PLB1: variants seen among roughly 807,000 people sequenced by gnomAD.
PLB1 encodes phospholipase B1, membrane-associated.
In PLB1, 242 loss-of-function variants were observed where a neutral mutation model predicts 227.4. The ratio of observed to expected loss-of-function variants is 1.06; its 90% CI spans 0.96 to 1.18. PLB1 has a LOEUF of 1.18. Ranked by LOEUF, PLB1 falls within the 50% of genes most tolerant of loss-of-function variation. The pLI is 0.00. For synonymous variants in PLB1, 757 were observed against 682.2 expected, an observed-to-expected ratio of 1.11 and a Z score of -1.71; for missense variants, 1,858 against 1,816.3, an observed-to-expected ratio of 1.02 and a Z score of -0.42.
At chr2:28,547,584 G>T (rs1267128168) in intron 14 of PLB1, among the ~76,000 whole-genome samples, 1 of 152,162 alleles carries the variant, frequency 6.6e-6, no homozygotes. Flanking sequence ...TCCTCATGGA[G>T]GTTGGTAGAA....
At chr2:28,578,968 C>T (rs138864250) in intron 22 of PLB1, among the ~76,000 whole-genome samples, 2 of 151,978 alleles carry the variant, frequency 1.3e-5, no homozygotes, top group Non-Finnish European at 2.9e-5. Context: ...TGCCCTGGGG[C>T]CATAGTTTAT....
chr2:28,620,840 T>C (rs1201208835), intron 48 of PLB1, 39 bp from the exon 49 acceptor site: 1 of 1,557,600 alleles, frequency 6.4e-7, no homozygotes, highest in Non-Finnish European at 8.9e-7. Context: ...TCCTGCAGGC[T>C]CTCACCTGTG....
intron 20 of PLB1, among the ~76,000 whole-genome samples, chr2:28,571,862 T>A (rs994199949): frequency 6.6e-6 from 1 of 152,136 alleles, no homozygotes; most frequent in African/African-American, 2.4e-5. Flanking sequence ...AGCAAATCTT[T>A]ATGATCTTGA....
intron 1 of PLB1, among the ~76,000 whole-genome samples, chr2:28,501,736 G>GT (rs1667125235): frequency 6.6e-6 from 1 of 151,874 alleles, no homozygotes; most frequent in African/African-American, 2.4e-5. Flanking sequence ...TACTATACAT[G>GT]TTTTTTGCAT....
At chr2:28,591,067 C>A in intron 29 of PLB1, 66 bp from the exon 30 acceptor site, 1 of 1,596,260 alleles carries the variant, frequency 6.3e-7, no homozygotes, top group Non-Finnish European at 8.6e-7. Flanking sequence ...CGACACTTAA[C>A]TGAGTGCTGA....
chr2:28,580,141 G>A (rs1401330907), intron 23 of PLB1, among the ~76,000 whole-genome samples: 1 of 152,170 alleles, frequency 6.6e-6, no homozygotes, highest in Non-Finnish European at 1.5e-5. Context: ...AGTCATTCTG[G>A]GCTGGTGGGA....
chr2:28,518,010 A>G (rs1288656870), intron 2 of PLB1, among the ~76,000 whole-genome samples: 1 of 151,728 alleles, frequency 6.6e-6, no homozygotes, highest in Non-Finnish European at 1.5e-5. Flanking sequence ...AGTAACTGGG[A>G]TTACAGGCAC....
In PLB1 at chr2:28,571,596, CAT is replaced by C. The variant is rs1468472336; in HGVS notation, c.1325-1598_1325-1597del. Among the ~76,000 whole-genome samples the C allele has an allele frequency of 9.2e-5, 14 of 152,266 alleles. No individual in the cohort carries two copies. The East Asian group carries it at 2.5e-3, about 27-fold the overall frequency. On this transcript the variant is annotated intron_variant, in intron 20 of 57. Coordinates refer to ENST00000327757, the MANE Select transcript of PLB1 (RefSeq NM_153021.5). Reference sequence around the variant, plus strand: ...GACGTGGTACTAGCATGAGGATAGACATATCGAACAGTGGACTAAGATTGAGA... The same window carrying C: ...GACGTGGTACTAGCATGAGGATAGACATCGAACAGTGGACTAAGATTGAGA...
chr2:28,602,708 C>G, intron 38 of PLB1, 113 bp from the exon 39 acceptor site: 1 of 932,092 alleles, frequency 1.1e-6, no homozygotes, highest in Non-Finnish European at 1.7e-6. Flanking sequence ...CCCCAGAACT[C>G]AACTCCAGAA....
Position 28,643,650 on chromosome 2 carries a change from T to C in PLB1, c.*589T>C, listed in dbSNP as rs1045819902. On this transcript the variant is annotated 3_prime_UTR_variant, in exon 58 of 58. Transcript: ENST00000327757. The stretch of plus-strand genomic sequence containing the variant: ...AACCAAGAAGCCACGTGATGATGTG[T>C]AACTACTAGGGCATCAGTAGGTAAA... 1 of 152,270 alleles carries C rather than the reference T, an allele frequency of 6.6e-6. No homozygotes were observed. Among genetic ancestry groups the C allele is most frequent in the African/African-American group, 2.4e-5 (1 of 41,476 alleles). The allele number at this position is 152,270 out of a possible 1,614,324, so 9.4% of individuals were successfully genotyped here.
Position 28,498,099 on chromosome 2 carries a change from G to A in PLB1, c.55+1930G>A, listed in dbSNP as rs143455086. Among the ~76,000 whole-genome samples the A allele has an allele frequency of 5.2e-3, 784 of 151,790 alleles. 9 individuals carry two copies. Among genetic ancestry groups the A allele is most frequent in the African/African-American group, 0.018 (745 of 41,478 alleles). On this transcript the variant is annotated intron_variant, in intron 1 of 57. Coordinates refer to ENST00000327757, the MANE Select transcript of PLB1 (RefSeq NM_153021.5). Reference sequence around the variant, plus strand: ...TCTTAAATAACTCCTCTCCTACCTCGAGGTCATGAAGATATCTTATATTTC... The same window carrying A: ...TCTTAAATAACTCCTCTCCTACCTCAAGGTCATGAAGATATCTTATATTTC...
chr2:28,586,860 G>T (rs1351784291), intron 26 of PLB1, among the ~76,000 whole-genome samples: 1 of 152,080 alleles, frequency 6.6e-6, no homozygotes, highest in South Asian at 2.1e-4. Context: ...TGATCCTCCC[G>T]CCTCAGTCCC....
intron 49 of PLB1, among the ~76,000 whole-genome samples, chr2:28,623,588 GGTAGGGATGGTACCATGT>G (rs1188376380): frequency 6.6e-6 from 1 of 152,134 alleles, no homozygotes; most frequent in Non-Finnish European, 1.5e-5. Flanking sequence ...GAGAAACAAG[GGTAGGGATGGTACCATGT>G]GTGTTTGGCC....
intron 17 of PLB1, among the ~76,000 whole-genome samples, chr2:28,560,805 T>A (rs904159364): frequency 6.6e-6 from 1 of 152,204 alleles, no homozygotes; most frequent in African/African-American, 2.4e-5. Flanking sequence ...GAAAGCAGAT[T>A]ACTGGTTACC....
chr2:28,623,795 G>A (rs983985024), intron 49 of PLB1, among the ~76,000 whole-genome samples: 23 of 152,142 alleles, frequency 1.5e-4, no homozygotes, highest in African/African-American at 4.1e-4. Flanking sequence ...TGCAATAAAC[G>A]TCACATGTTA....
intron 45 of PLB1, 142 bp downstream of exon 45, chr2:28,617,929 C>T (rs761868919): frequency 2.4e-5 from 20 of 828,546 alleles, no homozygotes; most frequent in Admixed American, 6.1e-5. Flanking sequence ...TGCGGCCTGC[C>T]GCCACAGCTG....
chr2:28,593,808 GT>G, intron 33 of PLB1, 54 bp downstream of exon 33: 1 of 1,498,582 alleles, frequency 6.7e-7, no homozygotes, highest in Non-Finnish European at 9.3e-7. Context: ...GAGATTAGGT[GT>G]GGCTTTGTCT....
chr2:28,549,972 C>T (rs762498982), intron 15 of PLB1, 38 bp from the exon 16 acceptor site: 1 of 1,561,758 alleles, frequency 6.4e-7, no homozygotes, highest in Non-Finnish European at 8.8e-7. Context: ...ATACAGACTT[C>T]TAGGGTCACG....
At chr2:28,553,558 C>T (rs1674563758) in intron 17 of PLB1, among the ~76,000 whole-genome samples, 2 of 152,210 alleles carry the variant, frequency 1.3e-5, no homozygotes, top group African/African-American at 4.8e-5. Context: ...GTACCTTTGC[C>T]TCCAGGCAAG....
Sources: allele counts gnomAD v4.1 joint callset (sites outside exome capture counted in the v4.1 genomes callset), GRCh38; gene constraint gnomAD v4.1.1; transcripts MANE v1.5; gene names NCBI Gene and HGNC (gene_info 2026-07-23, HGNC 2026-07-21).